LRRC37A2: variants seen among roughly 807,000 people sequenced by gnomAD.
LRRC37A2 encodes leucine-rich repeat-containing protein 37A2.
A neutral mutation model predicts 68.8 loss-of-function variants in LRRC37A2; 9 were observed. The observed-to-expected ratio is 0.13, with a 90% CI of 0.08 to 0.23. The LOEUF is 0.23. Ranked by LOEUF, LRRC37A2 falls within the 10% of genes least tolerant of loss-of-function variation. The pLI is 1.00. For synonymous variants in LRRC37A2, 63 were observed against 367.6 expected (o/e 0.17, Z 9.48); for missense variants, 168 against 950.4 (o/e 0.18, Z 10.82).
the LRRC37A2 span, among the ~76,000 whole-genome samples, chr17:46,771,704 C>G: frequency 7.0e-6 from 1 of 143,314 alleles, no homozygotes; most frequent in Non-Finnish European, 1.5e-5. Context: ...GGCCGGGCCG[C>G]GCCCCCGGCC....
the LRRC37A2 span, among the ~76,000 whole-genome samples, chr17:46,954,835 A>G: frequency 6.6e-6 from 1 of 152,210 alleles, no homozygotes; most frequent in Admixed American, 6.5e-5. Context: ...TTATTGGTGT[A>G]TAAGAATGCT....
At chr17:46,862,850 C>G in the LRRC37A2 span, among the ~76,000 whole-genome samples, 3 of 152,218 alleles carry the variant, frequency 2.0e-5, no homozygotes, top group African/African-American at 7.2e-5. Flanking sequence ...TCCCAGAGTG[C>G]TGGGATTACA....
At chr17:46,980,401 T>C in the LRRC37A2 span, among the ~76,000 whole-genome samples, 3 of 151,120 alleles carry the variant, frequency 2.0e-5, no homozygotes, top group Non-Finnish European at 2.9e-5. Flanking sequence ...CTCTTCTTTC[T>C]TCTTTCTTTC....
the LRRC37A2 span, among the ~76,000 whole-genome samples, chr17:46,990,884 T>C: frequency 1.3e-5 from 2 of 152,162 alleles, no homozygotes; most frequent in Non-Finnish European, 1.5e-5. Flanking sequence ...TTGTCCAGGC[T>C]GATCTTGAAC....
chr17:46,820,372 G>T, the LRRC37A2 span, among the ~76,000 whole-genome samples: 6 of 152,114 alleles, frequency 3.9e-5, no homozygotes, highest in Non-Finnish European at 5.9e-5. Context: ...AGGAGAATCC[G>T]AGAGGAGGAG....
the LRRC37A2 span, among the ~76,000 whole-genome samples, chr17:46,983,252 C>G: frequency 6.6e-6 from 1 of 151,512 alleles, no homozygotes; most frequent in Non-Finnish European, 1.5e-5. Flanking sequence ...ACCTAGCTAA[C>G]CACTCCTCCT....
chr17:46,968,485 A>C, the LRRC37A2 span, among the ~76,000 whole-genome samples: 1 of 152,268 alleles, frequency 6.6e-6, no homozygotes, highest in African/African-American at 2.4e-5. Context: ...CACCATCATA[A>C]CACCCTCCAC....
chr17:46,818,493 C>A, the LRRC37A2 span: 1 of 1,589,528 alleles, frequency 6.3e-7, no homozygotes, highest in Non-Finnish European at 8.6e-7. Flanking sequence ...AACCGGGCCG[C>A]GGGCAGACAA....
At chr17:46,713,987 G>T in the LRRC37A2 span, 6 of 1,596,748 alleles carry the variant, frequency 3.8e-6, no homozygotes, top group South Asian at 1.1e-5. Context: ...CATGAAGAAG[G>T]TATCAAGATT....
chr17:46,535,013 C>T (rs1451492370), intron 6 of LRRC37A2, among the ~76,000 whole-genome samples: 49 of 150,078 alleles, frequency 3.3e-4, no homozygotes, highest in Non-Finnish European at 5.9e-4. Context: ...GACAGGGTCG[C>T]GGCCGGGCAG....
At chr17:46,770,197 C>T in the LRRC37A2 span, 1 of 1,139,402 alleles carries the variant, frequency 8.8e-7, no homozygotes, top group African/African-American at 1.6e-5. Context: ...GGCAGCTTCC[C>T]CACCCTCTTT....
At chr17:46,777,301 C>T in the LRRC37A2 span, among the ~76,000 whole-genome samples, 8 of 152,386 alleles carry the variant, frequency 5.2e-5, no homozygotes, top group Admixed American at 2.0e-4. Context: ...AAAGCCAGGC[C>T]GGCTGGCTTG....
chr17:47,010,090 T>G, the LRRC37A2 span, among the ~76,000 whole-genome samples: 1 of 152,266 alleles, frequency 6.6e-6, no homozygotes, highest in East Asian at 1.9e-4. Context: ...GTAGGGACAT[T>G]TATTGTTTCT....
chr17:47,041,452 CTTTT>C, the LRRC37A2 span, among the ~76,000 whole-genome samples: 30 of 36,464 alleles, frequency 8.2e-4, no homozygotes, highest in African/African-American at 2.1e-3. Flanking sequence ...TTGGATGTCT[CTTTT>C]TTTTTTTTTT....
At chr17:46,982,275 C>G in the LRRC37A2 span, among the ~76,000 whole-genome samples, 1 of 152,148 alleles carries the variant, frequency 6.6e-6, no homozygotes, top group Non-Finnish European at 1.5e-5. Context: ...TGAAACCAAC[C>G]CCTGGCTTTT....
the LRRC37A2 span, chr17:47,018,139 C>T: frequency 1.3e-5 from 20 of 1,570,168 alleles, no homozygotes; most frequent in African/African-American, 2.7e-5. Flanking sequence ...ACCAATGAGA[C>T]AGAATCTTCC....
chr17:46,966,588 A>T, the LRRC37A2 span: 1 of 690,416 alleles, frequency 1.4e-6, no homozygotes, highest in Non-Finnish European at 2.6e-6. Flanking sequence ...AGCTCAAGAG[A>T]TCCTCCTGCA....
At chr17:46,774,056 G>A in the LRRC37A2 span, 2 of 1,204,076 alleles carry the variant, frequency 1.7e-6, no homozygotes, top group Admixed American at 2.1e-5. Context: ...TTTGACCTCG[G>A]GAGCATGCCG....
chr17:46,415,730 GTTTTTTTGTTT>G, the LRRC37A2 span, among the ~76,000 whole-genome samples: 2 of 43,804 alleles, frequency 4.6e-5, no homozygotes, highest in Non-Finnish European at 9.7e-5. Flanking sequence ...GTTGGTTTTT[GTTTTTTTGTTT>G]TTTTTTTGTT....
Sources: allele counts gnomAD v4.1 joint callset (sites outside exome capture counted in the v4.1 genomes callset), GRCh38; gene constraint gnomAD v4.1.1; transcripts MANE v1.5; gene names NCBI Gene and HGNC (gene_info 2026-07-23, HGNC 2026-07-21).